The following CDH9 variants were observed in gnomAD, a reference collection of about 807,000 sequenced individuals.
The protein encoded by CDH9 is cadherin 9, also known as cadherin-9.
CDH9 carries 28 observed loss-of-function variants against 70.9 expected under a neutral mutation model. That is an observed-to-expected ratio of 0.40 (90% CI 0.29 to 0.54). CDH9 has a LOEUF of 0.54. Ranked by LOEUF, CDH9 falls within the 20% of genes least tolerant of loss-of-function variation. The pLI, the probability that CDH9 is intolerant of heterozygous loss-of-function variation, is 0.59. For synonymous variants in CDH9, 409 were observed against 343.1 expected (o/e 1.19, Z -2.12); for missense variants, 874 against 984.4 (o/e 0.89, Z 1.50).
At chr5:27,037,796 T>C (rs1406243347) in intron 1 of CDH9, among the ~76,000 whole-genome samples, 1 of 151,988 alleles carries the variant, frequency 6.6e-6, no homozygotes, top group African/African-American at 2.4e-5. Flanking sequence ...CCTACAATAA[T>C]AGAAAGCAAT....
At chr5:26,997,039 G>A (rs539199774) in intron 1 of CDH9, among the ~76,000 whole-genome samples, 1 of 151,852 alleles carries the variant, frequency 6.6e-6, no homozygotes, top group Non-Finnish European at 1.5e-5. Flanking sequence ...CAGAAGAGAA[G>A]CTCTTGAATG....
At chr5:26,897,361 A>G (rs890412275) in intron 7 of CDH9, among the ~76,000 whole-genome samples, 1 of 152,162 alleles carries the variant, frequency 6.6e-6, no homozygotes, top group African/African-American at 2.4e-5. Context: ...TCAGAGACAC[A>G]ACAAAAAAAG....
chr5:27,031,601 T>C (rs1050105942), intron 1 of CDH9, among the ~76,000 whole-genome samples: 2 of 151,972 alleles, frequency 1.3e-5, no homozygotes, highest in Admixed American at 6.6e-5. Context: ...AGTTTAGTCT[T>C]AGGCTTATGG....
chr5:27,037,492 A>T (rs192885570), intron 1 of CDH9, among the ~76,000 whole-genome samples: 10 of 152,086 alleles, frequency 6.6e-5, no homozygotes, highest in African/African-American at 2.4e-4. Context: ...TATTTAAAAC[A>T]GATTATGAGA....
chr5:26,980,416 A>G (rs569302829), intron 2 of CDH9, among the ~76,000 whole-genome samples: 2 of 152,092 alleles, frequency 1.3e-5, no homozygotes, highest in Admixed American at 6.5e-5. Context: ...TACTAAGTGT[A>G]TACTCAATTG....
In CDH9 at chr5:26,890,559, G is replaced by T; in HGVS notation, c.1259C>A (p.Ser420Tyr). ...GTCCATATCAGTATGCCGATCAACA[G>T]AGTACCTGGCAGAAGACAGACTCAT... Reference protein sequence around the residue: ...PDARNNLIKYSVDRHTDMDRI... With the variant: ...PDARNNLIKYYVDRHTDMDRI... The change falls in exon 8 of 12, where the codon TCT (serine) becomes TAT (tyrosine). Residue 420 changes from serine (S) to tyrosine (Y), a missense_variant. Coordinates refer to ENST00000231021, the MANE Select transcript of CDH9 (RefSeq NM_016279.4). 6.2e-7 allele frequency: 1 copy of T among 1,605,192 alleles called. No individual in the cohort carries two copies. The highest frequency in any genetic ancestry group is 2.2e-5 in the East Asian group (1 of 44,820).
chr5:26,888,119 T>G (rs1740596238), intron 9 of CDH9, among the ~76,000 whole-genome samples: 1 of 152,156 alleles, frequency 6.6e-6, no homozygotes, highest in Non-Finnish European at 1.5e-5. Context: ...CCTTAATGAT[T>G]TTAAAAGAAT....
At chr5:26,936,107 G>C (rs1008597015) in intron 2 of CDH9, among the ~76,000 whole-genome samples, 10 of 124,558 alleles carry the variant, frequency 8.0e-5, no homozygotes, top group African/African-American at 3.1e-4. Flanking sequence ...GGGGAAGAGT[G>C]GGGGGGTGAG....
In CDH9 at chr5:26,937,280, A is replaced by G. The variant is rs1433822430; in HGVS notation, c.229-21356T>C. ...AAGCATATCAAAAATGTGCAACATC[A>G]TATTTCATTAGTGAATGGCAAACTA... On this transcript the variant is annotated intron_variant, in intron 2 of 11. Transcript: ENST00000231021. Among the ~76,000 whole-genome samples, 5 of 152,186 alleles carry G rather than the reference A, an allele frequency of 3.3e-5. No individual in the cohort carries two copies. The East Asian group carries it at 9.6e-4, about 29-fold the overall frequency.
At chr5:27,032,248 A>G (rs570047862) in intron 1 of CDH9, among the ~76,000 whole-genome samples, 1 of 151,728 alleles carries the variant, frequency 6.6e-6, no homozygotes, top group East Asian at 1.9e-4. Context: ...AAAGTTCATT[A>G]TAATTATAAA....
At position 26,954,530 on chromosome 5, in the gene CDH9, G is replaced by T. The variant is rs555135435; in HGVS notation, c.228+33576C>A. Among the ~76,000 whole-genome samples, 17 of 151,240 alleles carry T rather than the reference G, an allele frequency of 1.1e-4. No individual in the cohort carries two copies. In the East Asian group the frequency reaches 3.1e-3, roughly 28 times the overall value. On this transcript the variant is annotated intron_variant, in intron 2 of 11. Coordinates refer to ENST00000231021, the MANE Select transcript of CDH9 (RefSeq NM_016279.4). ...CTCCCGAGTAGCTGGCACTACAGGT[G>T]CCCGCCACTACACCCAGCTAATTTT... is the stretch of plus-strand genomic sequence containing the variant.
At chr5:26,934,563 G>A (rs553216791) in intron 2 of CDH9, among the ~76,000 whole-genome samples, 1 of 152,124 alleles carries the variant, frequency 6.6e-6, no homozygotes, top group Non-Finnish European at 1.5e-5. Context: ...CTCCCACCAG[G>A]CCCCACCTCC....
chr5:27,007,332 A>T (rs1742881265), intron 1 of CDH9, among the ~76,000 whole-genome samples: 1 of 152,042 alleles, frequency 6.6e-6, no homozygotes, highest in South Asian at 2.1e-4. Context: ...TAGGGAGGGG[A>T]GGATGGCAAT....
intron 1 of CDH9, among the ~76,000 whole-genome samples, chr5:27,020,747 C>CACTATA (rs562039027): frequency 6.5e-5 from 9 of 137,764 alleles, no homozygotes; most frequent in Non-Finnish European, 9.7e-5. Context: ...CACACACACA[C>CACTATA]TATATATATA....
chr5:27,024,793 C>T (rs771841869), intron 1 of CDH9, among the ~76,000 whole-genome samples: 8 of 152,000 alleles, frequency 5.3e-5, no homozygotes, highest in Middle Eastern at 3.4e-3. Context: ...TTAACCATTA[C>T]GTTTAATATT....
intron 5 of CDH9, among the ~76,000 whole-genome samples, chr5:26,905,729 C>T (rs1676052458): frequency 6.6e-6 from 1 of 152,016 alleles, no homozygotes; most frequent in South Asian, 2.1e-4. Flanking sequence ...GCCAGAGAAG[C>T]TTAATACTTT....
intron 2 of CDH9, among the ~76,000 whole-genome samples, chr5:26,933,525 C>A (rs1741502292): frequency 6.6e-6 from 1 of 151,928 alleles, no homozygotes; most frequent in South Asian, 2.1e-4. Flanking sequence ...GCCTGTAATT[C>A]CAGCACTTTG....
At position 26,996,744 on chromosome 5, in the gene CDH9, A is replaced by ATATATC. The variant is rs200027577; in HGVS notation, c.-49-8368_-49-8363dup. Among the ~76,000 whole-genome samples, 14 of 151,568 alleles carry ATATATC rather than the reference A, an allele frequency of 9.2e-5. No homozygotes were observed. The South Asian group carries it at 2.1e-3, about 22-fold the overall frequency. Reference sequence around the variant, plus strand: ...GCTTAACATATATATCTATATCTCTATATATCTATATCTATATCTATAGAT... The same window carrying ATATATC: ...GCTTAACATATATATCTATATCTCTATATATCTATATCTATATCTATATCTATAGAT... On this transcript the variant is annotated intron_variant, in intron 1 of 11. Coordinates refer to ENST00000231021, the MANE Select transcript of CDH9 (RefSeq NM_016279.4).
intron 2 of CDH9, among the ~76,000 whole-genome samples, chr5:26,961,770 G>C (rs866459728): frequency 1.2e-4 from 19 of 152,246 alleles, no homozygotes; most frequent in Non-Finnish European, 1.6e-4. Context: ...GACTTAGCAT[G>C]CAGTTTCGTC....
Sources: allele counts gnomAD v4.1 joint callset (sites outside exome capture counted in the v4.1 genomes callset), GRCh38; gene constraint gnomAD v4.1.1; transcripts MANE v1.5; gene names NCBI Gene and HGNC (gene_info 2026-07-23, HGNC 2026-07-21).